The following MANBA variants were observed in gnomAD, a reference collection of about 807,000 sequenced individuals.
MANBA encodes the protein mannosidase beta.
In MANBA, 83 loss-of-function variants were observed where a neutral mutation model predicts 111.1. The observed-to-expected ratio is 0.75, with a 90% CI of 0.63 to 0.90. The LOEUF (loss-of-function observed/expected upper bound fraction) is 0.90, where lower values mean the gene tolerates loss of function less well. Ranked by LOEUF, MANBA falls within the 40% of genes least tolerant of loss-of-function variation. The probability of loss-of-function intolerance (pLI) is 0.00; values close to 1 mark genes in which losing one functional copy is unlikely to be tolerated. For synonymous variants in MANBA, 370 were observed against 378.7 expected (o/e 0.98, Z 0.27); for missense variants, 1,036 against 1,069.0 (o/e 0.97, Z 0.43).
chr4:102,730,658 T>C, intron 1 of MANBA: 1 of 539,880 alleles, frequency 1.9e-6, no homozygotes, highest in Admixed American at 1.9e-5. Context: ...GTCAGCTCAG[T>C]GCTCGTGTGC....
chr4:102,647,014 C>G (rs911447123), intron 13 of MANBA, among the ~76,000 whole-genome samples: 1 of 151,658 alleles, frequency 6.6e-6, no homozygotes, highest in African/African-American at 2.4e-5. Flanking sequence ...TTCTTCAGAA[C>G]AGTATGACAG....
At chr4:102,725,822 A>G (rs1020162389) in intron 2 of MANBA, among the ~76,000 whole-genome samples, 3 of 152,204 alleles carry the variant, frequency 2.0e-5, no homozygotes, top group African/African-American at 4.8e-5. Flanking sequence ...GACTGAACAC[A>G]GGAAGATGAA....
chr4:102,739,790 C>A (rs1723339149), intron 1 of MANBA, among the ~76,000 whole-genome samples: 1 of 152,176 alleles, frequency 6.6e-6, no homozygotes, highest in Non-Finnish European at 1.5e-5. Flanking sequence ...AAGGGACATA[C>A]CTTCAGGAAA....
chr4:102,694,177 C>T (rs1732605507), intron 5 of MANBA, among the ~76,000 whole-genome samples: 2 of 152,130 alleles, frequency 1.3e-5, no homozygotes, highest in African/African-American at 4.8e-5. Flanking sequence ...GAGCATCACC[C>T]GTTAACACCC....
intron 11 of MANBA, among the ~76,000 whole-genome samples, chr4:102,660,975 G>A (rs930277028): frequency 6.6e-6 from 1 of 151,712 alleles, no homozygotes; most frequent in Non-Finnish European, 1.5e-5. Flanking sequence ...ACCATCTACC[G>A]AATAAGCTCA....
At chr4:102,657,926 A>G (rs1214797543) in intron 11 of MANBA, 26 bp from the exon 12 acceptor site, 1 of 1,439,858 alleles carries the variant, frequency 6.9e-7, no homozygotes, top group Non-Finnish European at 9.8e-7. Context: ...AAATGAATTC[A>G]AGGATAATAT....
intron 16 of MANBA, chr4:102,633,342 C>T: frequency 2.5e-6 from 1 of 398,708 alleles, no homozygotes. Flanking sequence ...GCCAGGGTAG[C>T]ATCAGCTTCT....
chr4:102,633,753 A>C (rs5026476), intron 16 of MANBA, among the ~76,000 whole-genome samples: 83,244 of 151,508 alleles, frequency 0.55, 23,318 homozygotes, highest in African/African-American at 0.63. Flanking sequence ...TTAGAGACTG[A>C]AAATTCATCC....
chr4:102,752,636 G>C (rs981745947), intron 1 of MANBA: 8 of 579,352 alleles, frequency 1.4e-5, no homozygotes, highest in Non-Finnish European at 2.7e-5. Flanking sequence ...CCATGTGGGG[G>C]CATGAAAGTG....
chr4:102,664,758 A>C lies in MANBA; in HGVS notation c.1412T>G (p.Phe471Cys). Reference protein sequence around the residue: ...ALMMNWYHISFTDRPIYIKDY... With the variant: ...ALMMNWYHISCTDRPIYIKDY... ...CTTGATGTAGATTGGCCGGTCAGTG[A>C]AACTGATATGATACCAATTCATCAT... The change falls in exon 11 of 17, where the codon TTC becomes TGC. Residue 471 changes from phenylalanine (F) to cysteine (C), a missense_variant. Physicochemically the swap from Phe to Cys is radical, Grantham distance 205. Coordinates refer to ENST00000647097, the MANE Select transcript of MANBA (RefSeq NM_005908.4). 6.2e-7 allele frequency: 1 copy of C among 1,611,628 alleles called. No individual in the cohort carries two copies. The highest frequency in any genetic ancestry group is 8.5e-7 in the Non-Finnish European group (1 of 1,177,690).
chr4:102,729,387 C>T (rs1722939943), intron 1 of MANBA: 8 of 848,894 alleles, frequency 9.4e-6, no homozygotes, highest in Non-Finnish European at 1.4e-5. Flanking sequence ...GTGCCTTGAC[C>T]TCAGCGATGA....
At chr4:102,652,726 A>G (rs1730392521) in intron 12 of MANBA, among the ~76,000 whole-genome samples, 2 of 152,234 alleles carry the variant, frequency 1.3e-5, no homozygotes, top group African/African-American at 4.8e-5. Context: ...CCCCATCTCT[A>G]CAAAAAGAAA....
intron 1 of MANBA, chr4:102,753,826 T>C (rs780199831): frequency 2.3e-5 from 7 of 306,064 alleles, no homozygotes; most frequent in Non-Finnish European, 4.6e-5. Context: ...CTCACACCTG[T>C]AATCCCAGCA....
In MANBA at chr4:102,710,483, A is replaced by G. The variant is rs180850715; in HGVS notation, c.673+3955T>C. 2.0e-5 allele frequency among the ~76,000 whole-genome samples: 3 copies of G among 152,290 alleles called. No individual in the cohort carries two copies. In the East Asian group the frequency reaches 5.8e-4, roughly 29 times the overall value. On this transcript the variant is annotated intron_variant, in intron 5 of 16. Coordinates refer to ENST00000647097, the MANE Select transcript of MANBA (RefSeq NM_005908.4). Reference sequence around the variant, plus strand: ...GAAAGACCTCTACAAGGAAAACTATAAACGTCTGATGAAATAAATTGAAGA... The same window carrying G: ...GAAAGACCTCTACAAGGAAAACTATGAACGTCTGATGAAATAAATTGAAGA...
At chr4:102,738,818 A>G (rs898790000) in intron 1 of MANBA, among the ~76,000 whole-genome samples, 2 of 152,252 alleles carry the variant, frequency 1.3e-5, no homozygotes, top group African/African-American at 4.8e-5. Context: ...GAGGCACCAG[A>G]GAAAGGTGAA....
chr4:102,706,885 T>A (rs1733321727), intron 5 of MANBA, among the ~76,000 whole-genome samples: 1 of 152,050 alleles, frequency 6.6e-6, no homozygotes, highest in Non-Finnish European at 1.5e-5. Flanking sequence ...ACAAAACTTT[T>A]TTAAAAGAAT....
chr4:102,725,745 A>C (rs533321757), intron 2 of MANBA, among the ~76,000 whole-genome samples: 73 of 152,314 alleles, frequency 4.8e-4, no homozygotes, highest in African/African-American at 1.7e-3. Flanking sequence ...GGAAAGATGG[A>C]AATGAGATGG....
rs565338823 is a variant in MANBA, at chr4:102,708,292, A to T, written c.673+6146T>A. 7.5e-4 allele frequency among the ~76,000 whole-genome samples: 115 copies of T among 152,324 alleles called. 1 individual carries two copies. The highest frequency in any genetic ancestry group is 2.7e-3 in the African/African-American group (114 of 41,580). ...CAACAAGTTTTTAAAAATTAAAATC[A>T]TATCAAGTATCTTTTCAGACCACAA... is the stretch of plus-strand genomic sequence containing the variant. On this transcript the variant is annotated intron_variant, in intron 5 of 16. Coordinates refer to ENST00000647097, the MANE Select transcript of MANBA (RefSeq NM_005908.4).
rs2110193663 is a variant in MANBA at position 102,639,876 on chromosome 4, C to G, written c.1870-19G>C. 1.2e-6 allele frequency: 2 copies of G among 1,613,646 alleles called. No homozygotes were observed. The highest frequency in any genetic ancestry group is 2.7e-5 in the African/African-American group (2 of 75,028). On this transcript the variant is annotated intron_variant, in intron 13 of 16. Coordinates refer to ENST00000647097, the MANE Select transcript of MANBA (RefSeq NM_005908.4). ...GCATCACCTGATTCAGGAAAACATT[C>G]ATACACAGGTGTTATTGTTTGATGT...
Sources: gnomAD v4.1 joint callset for allele counts (sites outside exome capture counted in the v4.1 genomes callset) on GRCh38, gnomAD v4.1.1 for gene constraint, MANE v1.5 for transcripts, NCBI Gene and HGNC (gene_info 2026-07-23, HGNC 2026-07-21) for gene names.